TEPSIN: variants seen among roughly 807,000 people sequenced by gnomAD.
TEPSIN encodes the protein AP-4 complex accessory subunit tepsin.
TEPSIN carries 50 observed loss-of-function variants against 48.5 expected under a neutral mutation model. That is an observed-to-expected ratio of 1.03 (90% CI 0.82 to 1.31). TEPSIN has a LOEUF of 1.31. Among genes scored for constraint, TEPSIN ranks in the 50% most tolerant of loss-of-function variants. The probability of loss-of-function intolerance (pLI) is 0.00; values close to 1 mark genes in which losing one functional copy is unlikely to be tolerated. For synonymous variants in TEPSIN, 392 were observed against 358.8 expected (o/e 1.09, Z -1.05); for missense variants, 838 against 815.9 (o/e 1.03, Z -0.33).
intron 7 of TEPSIN, chr17:81,232,728 C>T: frequency 1.8e-6 from 1 of 563,154 alleles, no homozygotes; most frequent in Non-Finnish European, 3.1e-6. Context: ...TGGGCCTGGA[C>T]ACCAAAGCTC....
At chr17:81,238,862 G>A in intron 1 of TEPSIN, 124 bp downstream of exon 1, 1 of 1,362,396 alleles carries the variant, frequency 7.3e-7, no homozygotes, top group Non-Finnish European at 9.4e-7. Context: ...CGGGCGAAGG[G>A]GCCAGGAGCA....
chr17:81,238,100 G>C (rs1251675485), intron 1 of TEPSIN: 1 of 986,242 alleles, frequency 1.0e-6, no homozygotes, highest in East Asian at 1.1e-4. Flanking sequence ...GTATTTAACA[G>C]GACAAGCATG....
chr17:81,229,080 G>A lies in TEPSIN; in HGVS notation c.1630C>T (p.Leu544=). Residue 544 remains leucine (L), a synonymous_variant, in exon 13 of 13, where the codon CTG becomes TTG. Transcript: ENST00000637944. ...SRDSLFAGME[L]VACPRLVGAG... is the part of the protein sequence containing the mutation. ...CCCACCAGGCGGGGACAGGCCACCA[G>A]CTCCATGCCAGCAAACAAGGAGTCG... 1 of 1,613,606 alleles carries A rather than the reference G, an allele frequency of 6.2e-7. No homozygotes were observed. Among genetic ancestry groups the A allele is most frequent in the Non-Finnish European group, 8.5e-7 (1 of 1,179,980 alleles).
rs1022065768 is a variant in TEPSIN, at chr17:81,233,144, C to T, written c.526+288G>A. ...GCACCACAGCCAGGGGCACAGCCCTCGGCCCCTCTCAGAGTGGGACTCACC... is the reference window on the plus strand; with the variant it reads ...GCACCACAGCCAGGGGCACAGCCCTTGGCCCCTCTCAGAGTGGGACTCACC... On this transcript the variant is annotated intron_variant, in intron 7 of 12. Coordinates refer to ENST00000637944, the MANE Select transcript of TEPSIN (RefSeq NM_001363764.2). This position sits in a 1 kb window ranked among gnomAD's most constrained non-coding sequence, Gnocchi z 5.8. 9.5e-6 allele frequency: 5 copies of T among 525,184 alleles called. No individual in the cohort carries two copies. Among genetic ancestry groups the T allele is most frequent in the Admixed American group, 7.3e-5 (2 of 27,318 alleles). The allele number at this position is 525,184 out of a possible 1,614,324, so 32.5% of individuals were successfully genotyped here. A position where few individuals can be genotyped will look rare whatever the true frequency, so the allele number is the denominator to read the frequency against.
Position 81,239,015 on chromosome 17 carries a change from G to C in TEPSIN, c.19C>G (p.Leu7Val). The C allele has an allele frequency of 6.7e-7, 1 of 1,489,236 alleles. No individual in the cohort carries two copies. The highest frequency in any genetic ancestry group is 2.9e-5 in the East Asian group (1 of 33,928). The allele number at this position is 1,489,236 out of a possible 1,614,324, so 92.3% of individuals were successfully genotyped here. A position where few individuals can be genotyped will look rare whatever the true frequency, so the allele number is the denominator to read the frequency against. The change falls in exon 1 of 13, where the codon CTA (leucine) becomes GTA (valine). Residue 7 changes from leucine to valine, a missense_variant. By Grantham distance (32) the Leu-to-Val change is conservative. Transcript: ENST00000637944. MAAAPPLRDRLSFLHRL... is the reference protein window; with the variant it reads MAAAPPVRDRLSFLHRL... ...TGTAGAAAGCTCAGGCGGTCCCGTAGCGGCGGCGCGGCAGCCATGATCCAG... is the reference window on the plus strand; with the variant it reads ...TGTAGAAAGCTCAGGCGGTCCCGTACCGGCGGCGCGGCAGCCATGATCCAG...
chr17:81,237,365 C>T (rs762706779), intron 2 of TEPSIN, 22 bp downstream of exon 2: 34 of 1,607,608 alleles, frequency 2.1e-5, no homozygotes, highest in East Asian at 4.5e-5. Context: ...TTCCACTACA[C>T]GGGGACATCA....
At chr17:81,236,930 C>T in intron 3 of TEPSIN, 50 bp downstream of exon 3, 4 of 1,538,916 alleles carry the variant, frequency 2.6e-6, no homozygotes, top group South Asian at 1.2e-5. Context: ...TCCATCCTCA[C>T]CACCGTGGGC....
In TEPSIN at chr17:81,233,535, G is replaced by A; in HGVS notation, c.455-32C>T. The A allele has an allele frequency of 6.4e-7, 1 of 1,570,746 alleles. No homozygotes were observed. The highest frequency in any genetic ancestry group is 8.7e-7 in the Non-Finnish European group (1 of 1,155,690). On this transcript the variant is annotated intron_variant, in intron 6 of 12. Transcript: ENST00000637944. The surrounding 1 kb of genome is among the most constrained non-coding windows in gnomAD (Gnocchi z 5.8). ...AGGGTCCTCCGTTAGCAGCAAGCCG[G>A]CCCCCACCCTCGGCCCTGCCCACGG...
intron 4 of TEPSIN, among the ~76,000 whole-genome samples, chr17:81,235,131 T>C (rs1437626250): frequency 6.6e-6 from 1 of 152,104 alleles, no homozygotes; most frequent in Admixed American, 6.5e-5. Context: ...AACCCTGCCA[T>C]AAACTTCTCC....
chr17:81,238,084 T>C, intron 1 of TEPSIN: 30 of 987,592 alleles, frequency 3.0e-5, no homozygotes, highest in Non-Finnish European at 3.6e-5. Flanking sequence ...AGAATAGAGT[T>C]CAAGAGTATT....
Position 81,233,269 on chromosome 17 carries a change from G to A in TEPSIN, c.526+163C>T. The stretch of plus-strand genomic sequence containing the variant: ...CACCTGCCCCACCCCCACGTCAGCA[G>A]CCAGAGAGAGACAGTGGGGACAGCC... On this transcript the variant is annotated intron_variant, in intron 7 of 12. Coordinates refer to ENST00000637944, the MANE Select transcript of TEPSIN (RefSeq NM_001363764.2). The surrounding 1 kb of genome is among the most constrained non-coding windows in gnomAD (Gnocchi z 5.8). The A allele has an allele frequency of 2.4e-6, 2 of 818,510 alleles. No individual in the cohort carries two copies. Among genetic ancestry groups the A allele is most frequent in the African/African-American group, 1.7e-5 (1 of 57,806 alleles). 50.7% of individuals were successfully genotyped at this position (818,510 alleles called of 1,614,324 possible). A position where few individuals can be genotyped will look rare whatever the true frequency, so the allele number is the denominator to read the frequency against.
chr17:81,228,874 C>G lies in TEPSIN; in HGVS notation c.*54G>C. 4.4e-6 allele frequency: 7 copies of G among 1,601,784 alleles called. No individual in the cohort carries two copies. The highest frequency in any genetic ancestry group is 6.0e-6 in the Non-Finnish European group (7 of 1,175,166). ...TACGGTTGAGGCTGCTCAGGAAGCA[C>G]AGACCGCCCCAGACAGCAGCTGAAG... On this transcript the variant is annotated 3_prime_UTR_variant, in exon 13 of 13. Coordinates refer to ENST00000637944, the MANE Select transcript of TEPSIN (RefSeq NM_001363764.2).
Position 81,230,621 on chromosome 17 carries a change from T to C in TEPSIN, c.1156A>G (p.Ile386Val), listed in dbSNP as rs370167408. The C allele has an allele frequency of 3.1e-6, 5 of 1,603,958 alleles. No homozygotes were observed. In the African/African-American group the frequency reaches 4.0e-5, roughly 13 times the overall value. The change falls in exon 12 of 13, where the codon ATC (isoleucine) becomes GTC (valine). Residue 386 changes from isoleucine (I) to valine (V), a missense_variant. Transcript: ENST00000637944. The surrounding 1 kb of genome is among the most constrained non-coding windows in gnomAD (Gnocchi z 4.2). Reference protein sequence around the residue: ...GSSDLLPQEHILLRTRPWLQE... With the variant: ...GSSDLLPQEHVLLRTRPWLQE... ...AGCCACGGCCGGGTGCGGAGGAGGA[T>C]GTGCTCCTGGGGGAGGAGGTCGCTG...
intron 1 of TEPSIN, chr17:81,237,947 G>T: frequency 1.0e-6 from 1 of 1,000,528 alleles, no homozygotes; most frequent in Non-Finnish European, 1.2e-6. Flanking sequence ...GACTGATGTC[G>T]TGTGTTTTAC....
At position 81,229,404 on chromosome 17, in the gene TEPSIN, T is replaced by TGG. The variant is rs776493429; in HGVS notation, c.1304_1305dup (p.Thr436ProfsTer12). 6.4e-6 allele frequency: 10 copies of TGG among 1,550,482 alleles called. No homozygotes were observed. The highest frequency in any genetic ancestry group is 6.1e-6 in the Non-Finnish European group (7 of 1,147,472). ...TCAGATGGGCCTGGGAGGGCGGCTG[T>TGG]GGGGCCAGGCTCAGCTGAGGTGCCC... is the stretch of plus-strand genomic sequence containing the variant. On this transcript the variant is annotated frameshift_variant, in exon 13 of 13. Transcript: ENST00000637944. LOFTEE classifies it low-confidence loss of function (END_TRUNC).
intron 4 of TEPSIN, among the ~76,000 whole-genome samples, chr17:81,236,423 A>G (rs2062721104): frequency 6.6e-6 from 1 of 152,166 alleles, no homozygotes; most frequent in South Asian, 2.1e-4. Context: ...AAGCGCAGGG[A>G]CAGACGCAGC....
chr17:81,230,370 G>GA lies in TEPSIN; in HGVS notation c.1233+173dup. ...GGGTGGAAGGCGGGAAGGCAATGGG[G>GA]AGGTGAGGACCCTGACTTGCTGCTG... On this transcript the variant is annotated intron_variant, in intron 12 of 12. Transcript: ENST00000637944. This position sits in a 1 kb window ranked among gnomAD's most constrained non-coding sequence, Gnocchi z 4.2. 2.5e-6 allele frequency: 2 copies of GA among 806,940 alleles called. No homozygotes were observed. The highest frequency in any genetic ancestry group is 5.6e-5 in the Admixed American group (2 of 35,762). 50.0% of individuals were successfully genotyped at this position (806,940 alleles called of 1,614,324 possible). A position where few individuals can be genotyped will look rare whatever the true frequency, so the allele number is the denominator to read the frequency against.
At position 81,230,710 on chromosome 17, in the gene TEPSIN, A is replaced by G. The variant is rs2062577590; in HGVS notation, c.1099-32T>C. 6.7e-7 allele frequency: 1 copy of G among 1,494,788 alleles called. No homozygotes were observed. The highest frequency in any genetic ancestry group is 1.3e-5 in the South Asian group (1 of 74,436). 92.6% of individuals were successfully genotyped at this position (1,494,788 alleles called of 1,614,324 possible). On this transcript the variant is annotated intron_variant, in intron 11 of 12. Transcript: ENST00000637944. This position sits in a 1 kb window ranked among gnomAD's most constrained non-coding sequence, Gnocchi z 4.2. ...GTGAAGGGAGGGGACATCAGCACCC[A>G]TGGGGCAGCAGGTCCACGCCAGGGA...
At chr17:81,238,954 G>T in intron 1 of TEPSIN, 32 bp downstream of exon 1, 1 of 1,427,208 alleles carries the variant, frequency 7.0e-7, no homozygotes, top group South Asian at 1.4e-5. Context: ...GGAGCCGTGG[G>T]ACCGGGGCCC....
Sources: allele counts gnomAD v4.1 joint callset (sites outside exome capture counted in the v4.1 genomes callset), GRCh38; gene constraint gnomAD v4.1.1; non-coding constraint Gnocchi (gnomAD v3.1); transcripts MANE v1.5; gene names NCBI Gene and HGNC (gene_info 2026-07-23, HGNC 2026-07-21).